The following NSUN6 variants were observed in gnomAD, a reference collection of about 807,000 sequenced individuals.
The protein encoded by NSUN6 is tRNA (cytosine(72)-C(5))-methyltransferase NSUN6.
Under a neutral mutation model 58.0 loss-of-function variants are expected in NSUN6, and 64 were observed. The observed-to-expected ratio is 1.10, with a 90% CI of 0.90 to 1.36. NSUN6 has a LOEUF of 1.36. NSUN6 is among the 40% of genes most tolerant of loss of function. The probability of loss-of-function intolerance (pLI) is 0.00; values close to 1 mark genes in which losing one functional copy is unlikely to be tolerated. For synonymous variants in NSUN6, 231 were observed against 193.9 expected, an observed-to-expected ratio of 1.19 and a Z score of -1.59; for missense variants, 701 against 550.1, an observed-to-expected ratio of 1.27 and a Z score of -2.74.
At chr10:18,600,941 A>AT (rs1554869914) in intron 6 of NSUN6, among the ~76,000 whole-genome samples, 903 of 43,422 alleles carry the variant, frequency 0.021, 8 homozygotes, top group East Asian at 0.039. Context: ...AAAAAAAAAA[A>AT]ATATATATAT....
At chr10:18,649,523 G>C (rs983920103) in intron 1 of NSUN6, among the ~76,000 whole-genome samples, 3 of 151,910 alleles carry the variant, frequency 2.0e-5, no homozygotes, top group African/African-American at 7.3e-5. Flanking sequence ...AGCTACTCGG[G>C]AGGCTGAGGT....
intron 6 of NSUN6, among the ~76,000 whole-genome samples, chr10:18,606,574 A>C (rs1037676880): frequency 6.6e-6 from 1 of 152,196 alleles, no homozygotes; most frequent in Non-Finnish European, 1.5e-5. Context: ...GTAGTAACAC[A>C]CCAGTGTTGG....
chr10:18,600,941 A>ATATATAT (rs1554869914), intron 6 of NSUN6, among the ~76,000 whole-genome samples: 10 of 43,542 alleles, frequency 2.3e-4, no homozygotes, highest in African/African-American at 6.4e-4. Flanking sequence ...AAAAAAAAAA[A>ATATATAT]ATATATATAT....
rs769488275 is a variant in NSUN6 at position 18,651,249 on chromosome 10, GTGTTT to G, written c.-51_-47del. The stretch of plus-strand genomic sequence containing the variant: ...CCACCAAGAGAAATGCTGGAAAACG[GTGTTT>G]TGTTTTTTTTTTTCTTTCCGAATTA... On this transcript the variant is annotated 5_prime_UTR_variant, in exon 1 of 11. Coordinates refer to ENST00000377304, the MANE Select transcript of NSUN6 (RefSeq NM_182543.5). 1.3e-6 allele frequency: 2 copies of G among 1,489,160 alleles called. No individual in the cohort carries two copies. The highest frequency in any genetic ancestry group is 2.6e-5 in the Admixed American group (1 of 37,996). The allele number at this position is 1,489,160 out of a possible 1,614,324, so 92.2% of individuals were successfully genotyped here.
chr10:18,589,239 G>A (rs1246439998), intron 7 of NSUN6, among the ~76,000 whole-genome samples: 1 of 152,056 alleles, frequency 6.6e-6, no homozygotes, highest in Non-Finnish European at 1.5e-5. Context: ...GAAAAGGAGT[G>A]AACAAAGCCT....
chr10:18,553,600 G>A (rs897122432), intron 8 of NSUN6, among the ~76,000 whole-genome samples: 3 of 150,472 alleles, frequency 2.0e-5, no homozygotes, highest in Admixed American at 1.3e-4. Context: ...GAATGGAATA[G>A]GGAATGGAAT....
intron 3 of NSUN6, among the ~76,000 whole-genome samples, chr10:18,635,904 G>A (rs748265045): frequency 1.3e-5 from 2 of 150,250 alleles, no homozygotes; most frequent in Non-Finnish European, 3.0e-5. Context: ...AATCAAAATC[G>A]AGCATTACAC....
chr10:18,629,082 A>G (rs60089004), intron 3 of NSUN6, among the ~76,000 whole-genome samples: 31,936 of 152,014 alleles, frequency 0.21, 3,655 homozygotes, highest in South Asian at 0.31. Flanking sequence ...AAGCCAGAAG[A>G]GAGTGGGGGC....
intron 3 of NSUN6, among the ~76,000 whole-genome samples, chr10:18,636,988 G>A (rs2059239481): frequency 7.4e-6 from 1 of 134,394 alleles, no homozygotes. Context: ...TTGAGATGGA[G>A]TTTCAGTCTT....
intron 8 of NSUN6, among the ~76,000 whole-genome samples, chr10:18,579,606 A>G (rs1370127257): frequency 6.6e-6 from 1 of 152,220 alleles, no homozygotes; most frequent in African/African-American, 2.4e-5. Flanking sequence ...ACAGCCTCAG[A>G]AAGTCCTGAG....
chr10:18,653,068 T>A, upstream of NSUN6: 1 of 984,472 alleles, frequency 1.0e-6, no homozygotes, highest in Non-Finnish European at 1.2e-6. Flanking sequence ...ATCAGACATT[T>A]CCAAAGGAAT....
In NSUN6 at chr10:18,559,961, G is replaced by A. The variant is rs118160631; in HGVS notation, c.923-7990C>T. ...AATGGACTGGAATGGAATAGAGAAT[G>A]GTTTGGAATGGAATGGAGAATCGAA... On this transcript the variant is annotated intron_variant, in intron 8 of 10. Transcript: ENST00000377304. Among the ~76,000 whole-genome samples the A allele has an allele frequency of 1.9e-3, 289 of 149,966 alleles. 2 individuals carry two copies. Among genetic ancestry groups the A allele is most frequent in the Admixed American group, 0.012 (175 of 14,924 alleles).
At chr10:18,651,887 A>G, upstream of NSUN6, 1 of 985,420 alleles carries the variant, frequency 1.0e-6, no homozygotes, top group Non-Finnish European at 1.2e-6. Flanking sequence ...GCGTGGGTTG[A>G]GTGGAAGATG....
At chr10:18,634,373 A>C (rs1245771494) in intron 3 of NSUN6, among the ~76,000 whole-genome samples, 1 of 152,174 alleles carries the variant, frequency 6.6e-6, no homozygotes, top group East Asian at 1.9e-4. Flanking sequence ...TAGAGACAAG[A>C]AAAGCAAAGC....
At chr10:18,599,322 G>T (rs960245646) in intron 6 of NSUN6, among the ~76,000 whole-genome samples, 2 of 152,140 alleles carry the variant, frequency 1.3e-5, no homozygotes, top group Non-Finnish European at 2.9e-5. Flanking sequence ...AAACTTCTGG[G>T]CTCAAGTTAT....
intron 3 of NSUN6, among the ~76,000 whole-genome samples, chr10:18,628,423 G>C (rs1044452068): frequency 1.1e-4 from 17 of 152,220 alleles, no homozygotes; most frequent in Admixed American, 5.2e-4. Flanking sequence ...TTGAGGAGCT[G>C]AGAGAAGAAG....
chr10:18,611,723 GGTGTGT>G (rs10579235), intron 5 of NSUN6, among the ~76,000 whole-genome samples: 31,002 of 148,850 alleles, frequency 0.21, 3,472 homozygotes, highest in South Asian at 0.31. Flanking sequence ...GTCTCACTAT[GGTGTGT>G]GTGTGTGTGT....
chr10:18,555,498 G>A (rs2054929215), intron 8 of NSUN6, among the ~76,000 whole-genome samples: 1 of 149,932 alleles, frequency 6.7e-6, no homozygotes. Context: ...TGGAATGAAG[G>A]ATGGTATGGA....
chr10:18,650,234 A>G (rs1361447128), intron 1 of NSUN6, among the ~76,000 whole-genome samples: 2 of 152,142 alleles, frequency 1.3e-5, no homozygotes, highest in African/African-American at 2.4e-5. Flanking sequence ...ACCTGGTAAA[A>G]TATTTTTAAC....
Sources: gnomAD v4.1 joint callset for allele counts (sites outside exome capture counted in the v4.1 genomes callset) on GRCh38, gnomAD v4.1.1 for gene constraint, MANE v1.5 for transcripts, NCBI Gene and HGNC (gene_info 2026-07-23, HGNC 2026-07-21) for gene names.